The following CSMD1 variants were observed in gnomAD, a reference collection of about 807,000 sequenced individuals.
CSMD1 encodes CUB and Sushi multiple domains 1, also known as CUB and sushi domain-containing protein 1.
CSMD1 carries 213 observed loss-of-function variants against 417.5 expected under a neutral mutation model. The observed-to-expected ratio is 0.51, with a 90% CI of 0.46 to 0.57. The LOEUF (loss-of-function observed/expected upper bound fraction) is 0.57. Ranked by LOEUF, CSMD1 falls within the 20% of genes least tolerant of loss-of-function variation. The pLI, the probability that CSMD1 is intolerant of heterozygous loss-of-function variation, is 0.00. For missense variants in CSMD1, 6,923 were observed against 4,529.7 expected, an observed-to-expected ratio of 1.53 and a Z score of -15.17; for synonymous variants, 2,862 against 1,736.8, an observed-to-expected ratio of 1.65 and a Z score of -16.11.
chr8:4,968,249 T>G (rs1810009888), intron 1 of CSMD1, among the ~76,000 whole-genome samples: 1 of 118,620 alleles, frequency 8.4e-6, no homozygotes, highest in African/African-American at 3.2e-5. Context: ...TCAATTTATA[T>G]TATGGAGAGC....
chr8:4,812,901 G>C (rs150717351), intron 1 of CSMD1, among the ~76,000 whole-genome samples: 18 of 152,076 alleles, frequency 1.2e-4, no homozygotes, highest in African/African-American at 3.9e-4. Context: ...AGGTAATATT[G>C]CTTGTATCAG....
intron 3 of CSMD1, among the ~76,000 whole-genome samples, chr8:4,185,417 T>C (rs1367788682): frequency 6.6e-6 from 1 of 152,044 alleles, no homozygotes; most frequent in East Asian, 1.9e-4. Flanking sequence ...GCAATAAACA[T>C]ACACGTGTGA....
chr8:4,651,780 C>G (rs747061362), intron 1 of CSMD1, among the ~76,000 whole-genome samples: 1 of 152,144 alleles, frequency 6.6e-6, no homozygotes, highest in Non-Finnish European at 1.5e-5. Flanking sequence ...AATGGGCAAG[C>G]TGTGTGATTA....
At chr8:4,942,044 G>C (rs1808037722) in intron 1 of CSMD1, among the ~76,000 whole-genome samples, 1 of 152,196 alleles carries the variant, frequency 6.6e-6, no homozygotes, top group Non-Finnish European at 1.5e-5. Flanking sequence ...AAATGGGATT[G>C]TCTGGCTCTT....
intron 7 of CSMD1, among the ~76,000 whole-genome samples, chr8:3,707,245 C>A (rs979136244): frequency 6.6e-6 from 1 of 152,160 alleles, no homozygotes; most frequent in Admixed American, 6.5e-5. Context: ...TTAGTTTTAG[C>A]AGAATATTTG....
chr8:4,268,763 CCA>C (rs1804383781), intron 3 of CSMD1, among the ~76,000 whole-genome samples: 1 of 151,596 alleles, frequency 6.6e-6, no homozygotes, highest in Non-Finnish European at 1.5e-5. Context: ...AAAAAAAAAC[CCA>C]CAAATATCTG....
chr8:3,150,297 C>A (rs1459364254), intron 40 of CSMD1, among the ~76,000 whole-genome samples: 1 of 152,324 alleles, frequency 6.6e-6, no homozygotes, highest in African/African-American at 2.4e-5. Context: ...TGGGAGGTGA[C>A]GGACTCCCCA....
intron 5 of CSMD1, among the ~76,000 whole-genome samples, chr8:3,777,770 T>C (rs1421688542): frequency 8.0e-5 from 7 of 87,078 alleles, no homozygotes; most frequent in African/African-American, 1.2e-4. Flanking sequence ...GAGTCTCAGT[T>C]CCCACTCCAG....
At chr8:3,090,730 G>A (rs1280355018) in intron 48 of CSMD1, among the ~76,000 whole-genome samples, 1 of 152,188 alleles carries the variant, frequency 6.6e-6, no homozygotes, top group Non-Finnish European at 1.5e-5. Flanking sequence ...CTTGAAAGCT[G>A]TCAAGGGCAT....
intron 3 of CSMD1, among the ~76,000 whole-genome samples, chr8:4,213,374 T>A (rs1222545716): frequency 6.6e-6 from 1 of 152,150 alleles, no homozygotes; most frequent in Non-Finnish European, 1.5e-5. Context: ...AGGCTATTCT[T>A]TGAAATTTAC....
At chr8:4,691,914 T>A (rs1806791641) in intron 1 of CSMD1, among the ~76,000 whole-genome samples, 1 of 152,220 alleles carries the variant, frequency 6.6e-6, no homozygotes, top group Non-Finnish European at 1.5e-5. Flanking sequence ...TGGGGACATT[T>A]TCTCCTCACT....
intron 10 of CSMD1, among the ~76,000 whole-genome samples, chr8:3,539,754 T>C (rs1798358996): frequency 7.7e-6 from 1 of 129,444 alleles, no homozygotes; most frequent in East Asian, 2.5e-4. Flanking sequence ...TCTAGCCCTT[T>C]CTTTATGATA....
At chr8:3,453,096 C>G (rs980592570) in intron 12 of CSMD1, among the ~76,000 whole-genome samples, 1 of 152,032 alleles carries the variant, frequency 6.6e-6, no homozygotes, top group African/African-American at 2.4e-5. Context: ...TTTTCTAGTT[C>G]TTTTGCATAG....
At chr8:3,354,217 C>T (rs1042031670) in intron 21 of CSMD1, among the ~76,000 whole-genome samples, 7 of 152,146 alleles carry the variant, frequency 4.6e-5, no homozygotes, top group African/African-American at 1.7e-4. Context: ...AATTCTACAG[C>T]TGAAGCAACT....
At chr8:4,451,065 T>G (rs1313316408) in intron 2 of CSMD1, among the ~76,000 whole-genome samples, 3 of 152,106 alleles carry the variant, frequency 2.0e-5, no homozygotes, top group African/African-American at 7.2e-5. Context: ...GCTCATTCAA[T>G]AAGTCAGTCA....
chr8:4,131,655 C>T (rs560498439), intron 3 of CSMD1, among the ~76,000 whole-genome samples: 4 of 150,182 alleles, frequency 2.7e-5, no homozygotes, highest in African/African-American at 7.3e-5. Context: ...GTAAATAAAA[C>T]TTAAAATGTT....
chr8:3,374,373 A>T (rs2116734119), intron 18 of CSMD1, among the ~76,000 whole-genome samples: 1 of 152,316 alleles, frequency 6.6e-6, no homozygotes, highest in African/African-American at 2.4e-5. Flanking sequence ...CCAAACACTC[A>T]TTGATGCTTC....
intron 52 of CSMD1, among the ~76,000 whole-genome samples, chr8:3,007,572 C>A (rs1243215949): frequency 6.6e-6 from 1 of 151,210 alleles, no homozygotes; most frequent in Non-Finnish European, 1.5e-5. Context: ...ACATATACAC[C>A]ATGGAATACT....
At chr8:3,067,501 T>C (rs1242469569) in intron 49 of CSMD1, among the ~76,000 whole-genome samples, 1 of 151,952 alleles carries the variant, frequency 6.6e-6, no homozygotes, top group African/African-American at 2.4e-5. Context: ...ACACAGACAT[T>C]TAACAGTAAA....
Sources: gnomAD v4.1 joint callset for allele counts (sites outside exome capture counted in the v4.1 genomes callset) on GRCh38, gnomAD v4.1.1 for gene constraint, MANE v1.5 for transcripts, NCBI Gene and HGNC (gene_info 2026-07-23, HGNC 2026-07-21) for gene names.